The following ARL15 variants were observed in gnomAD, a reference collection of about 807,000 sequenced individuals.
ARL15 encodes ARF like GTPase 15, also known as ADP-ribosylation factor-like protein 15.
Under a neutral mutation model 25.2 loss-of-function variants are expected in ARL15, and 19 were observed. The observed-to-expected ratio is 0.75, with a 90% CI of 0.53 to 1.10. The LOEUF (loss-of-function observed/expected upper bound fraction) is 1.10, where lower values mean the gene tolerates loss of function less well. Among genes scored for constraint, ARL15 ranks in the 50% least tolerant of loss-of-function variants. The probability of loss-of-function intolerance (pLI) is 0.00; values close to 1 mark genes in which losing one functional copy is unlikely to be tolerated. For missense variants in ARL15, 220 were observed against 246.0 expected (o/e 0.89, Z 0.71); for synonymous variants, 94 against 86.8 (o/e 1.08, Z -0.46).
chr5:54,296,761 C>CT (rs1345461157), intron 1 of ARL15, among the ~76,000 whole-genome samples: 1 of 152,232 alleles, frequency 6.6e-6, no homozygotes, highest in Non-Finnish European at 1.5e-5. Context: ...TGTGCAGTGT[C>CT]TAACAGGCCT....
chr5:54,114,042 G>A (rs1752817937), intron 3 of ARL15, among the ~76,000 whole-genome samples: 1 of 152,078 alleles, frequency 6.6e-6, no homozygotes, highest in African/African-American at 2.4e-5. Flanking sequence ...GACAACAGGT[G>A]TACACTTATG....
intron 4 of ARL15, among the ~76,000 whole-genome samples, chr5:54,108,488 A>T (rs931839269): frequency 4.6e-5 from 7 of 152,132 alleles, no homozygotes; most frequent in African/African-American, 1.4e-4. Flanking sequence ...CTTTCCAATG[A>T]TTATTTTACA....
intron 4 of ARL15, among the ~76,000 whole-genome samples, chr5:54,082,453 A>G (rs1751832516): frequency 6.6e-6 from 1 of 152,188 alleles, no homozygotes; most frequent in African/African-American, 2.4e-5. Context: ...CTACATATAC[A>G]TACGTGTGTG....
intron 1 of ARL15, among the ~76,000 whole-genome samples, chr5:54,283,889 G>A (rs1230186726): frequency 6.6e-6 from 1 of 152,176 alleles, no homozygotes; most frequent in Non-Finnish European, 1.5e-5. Flanking sequence ...ACTCTGAGAA[G>A]AGCCCTTTTT....
chr5:54,158,412 G>A (rs1339446183), intron 2 of ARL15, among the ~76,000 whole-genome samples: 2 of 152,102 alleles, frequency 1.3e-5, no homozygotes, highest in African/African-American at 4.8e-5. Context: ...TTTTATATTT[G>A]TTCTCTGGCT....
At chr5:54,040,340 G>A (rs1349096324) in intron 4 of ARL15, among the ~76,000 whole-genome samples, 10 of 152,184 alleles carry the variant, frequency 6.6e-5, no homozygotes, top group Non-Finnish European at 1.3e-4. Flanking sequence ...TAAAGTTCCA[G>A]TGGGAAGAGA....
chr5:54,164,694 T>C (rs917308385), intron 2 of ARL15, among the ~76,000 whole-genome samples: 1 of 152,036 alleles, frequency 6.6e-6, no homozygotes, highest in Non-Finnish European at 1.5e-5. Context: ...TTTTGACTAG[T>C]GTTAGCATGA....
At chr5:53,890,284 G>GT (rs1744671075) in intron 4 of ARL15, among the ~76,000 whole-genome samples, 1 of 151,738 alleles carries the variant, frequency 6.6e-6, no homozygotes, top group Admixed American at 6.6e-5. Flanking sequence ...TTTGAACAAC[G>GT]TAAGTCATAT....
At chr5:53,951,926 C>G (rs1350635693) in intron 4 of ARL15, among the ~76,000 whole-genome samples, 1 of 129,948 alleles carries the variant, frequency 7.7e-6, no homozygotes, top group African/African-American at 2.9e-5. Flanking sequence ...ACTATTAGTA[C>G]AAATGTTTTC....
chr5:54,023,869 C>T (rs1372678833), intron 4 of ARL15, among the ~76,000 whole-genome samples: 1 of 152,188 alleles, frequency 6.6e-6, no homozygotes, highest in Non-Finnish European at 1.5e-5. Context: ...TTGTCACGAA[C>T]CATCGTGTCT....
chr5:54,256,439 CA>C lies in ARL15; in HGVS notation c.48+53992del, dbSNP rs1427077215. Among the ~76,000 whole-genome samples the C allele has an allele frequency of 3.3e-3, 303 of 91,002 alleles. 3 individuals carry two copies. Among genetic ancestry groups the C allele is most frequent in the Non-Finnish European group, 5.4e-3 (210 of 39,190 alleles). The allele number at this position is 91,002 out of a possible 152,430, so 59.7% of individuals were successfully genotyped here. ...AAAAAAAAAAAAAAAAAAAAGCCAA[CA>C]AAAAAAAATCACAGGGCCAGGCAGA... On this transcript the variant is annotated intron_variant, in intron 1 of 4. Transcript: ENST00000504924.
intron 4 of ARL15, among the ~76,000 whole-genome samples, chr5:53,908,443 A>T: frequency 6.6e-6 from 1 of 152,216 alleles, no homozygotes; most frequent in East Asian, 1.9e-4. Flanking sequence ...ATTAGGTATT[A>T]TAAGGAGTCA....
intron 4 of ARL15, among the ~76,000 whole-genome samples, chr5:53,911,224 TA>T (rs1300058742): frequency 6.6e-6 from 1 of 152,210 alleles, no homozygotes; most frequent in Non-Finnish European, 1.5e-5. Flanking sequence ...TAAAACATTT[TA>T]AGAATATCAC....
chr5:54,121,850 T>G (rs1753086589), intron 3 of ARL15, among the ~76,000 whole-genome samples: 1 of 152,154 alleles, frequency 6.6e-6, no homozygotes, highest in African/African-American at 2.4e-5. Flanking sequence ...CCTCATAGGA[T>G]TGTGAGGATT....
At chr5:54,142,935 A>T (rs2112315338) in intron 3 of ARL15, among the ~76,000 whole-genome samples, 1 of 152,330 alleles carries the variant, frequency 6.6e-6, no homozygotes, top group African/African-American at 2.4e-5. Context: ...TCATGACACA[A>T]GACTGGAGTA....
chr5:54,029,148 TG>T (rs1667821685), intron 4 of ARL15, among the ~76,000 whole-genome samples: 2 of 152,188 alleles, frequency 1.3e-5, no homozygotes, highest in Admixed American at 1.3e-4. Context: ...GTCTTTTACT[TG>T]CCCTATAACC....
At chr5:54,231,447 A>C (rs1434733027) in intron 1 of ARL15, among the ~76,000 whole-genome samples, 1 of 151,938 alleles carries the variant, frequency 6.6e-6, no homozygotes. Flanking sequence ...CTCACACTTC[A>C]CCTTGAATAA....
In ARL15 at chr5:53,926,589, G is replaced by A. The variant is rs544944336; in HGVS notation, c.463-39876C>T. Among the ~76,000 whole-genome samples, 3 of 152,294 alleles carry A rather than the reference G, an allele frequency of 2.0e-5. No homozygotes were observed. In the South Asian group the frequency reaches 6.2e-4, roughly 32 times the overall value. ...AATGCAGTTGACAGGAGAAGGGAAA[G>A]GAATTGACATGATAGCAAATTGACA... On this transcript the variant is annotated intron_variant, in intron 4 of 4. Transcript: ENST00000504924.
chr5:53,938,980 A>G (rs1746441419), intron 4 of ARL15, among the ~76,000 whole-genome samples: 1 of 152,238 alleles, frequency 6.6e-6, no homozygotes, highest in African/African-American at 2.4e-5. Context: ...CCTTTAAGCT[A>G]TTATAGATTT....
Sources: gnomAD v4.1 joint callset for allele counts (sites outside exome capture counted in the v4.1 genomes callset) on GRCh38, gnomAD v4.1.1 for gene constraint, MANE v1.5 for transcripts, NCBI Gene and HGNC (gene_info 2026-07-23, HGNC 2026-07-21) for gene names.